MIPOL1: variants seen among roughly 807,000 people sequenced by gnomAD.
MIPOL1 encodes the protein mirror-image polydactyly 1, also known as mirror-image polydactyly gene 1 protein.
In MIPOL1, 57 loss-of-function variants were observed where a neutral mutation model predicts 60.9. The ratio of observed to expected loss-of-function variants is 0.94; its 90% CI spans 0.76 to 1.17. The LOEUF (loss-of-function observed/expected upper bound fraction) is 1.17. MIPOL1 is among the 50% of genes most tolerant of loss of function. The pLI, the probability that MIPOL1 is intolerant of heterozygous loss-of-function variation, is 0.00. For synonymous variants in MIPOL1, 179 were observed against 168.8 expected, an observed-to-expected ratio of 1.06 and a Z score of -0.47; for missense variants, 551 against 511.6, an observed-to-expected ratio of 1.08 and a Z score of -0.74.
At chr14:37,280,807 T>G (rs1011429809) in intron 6 of MIPOL1, among the ~76,000 whole-genome samples, 1 of 152,066 alleles carries the variant, frequency 6.6e-6, no homozygotes, top group African/African-American at 2.4e-5. Flanking sequence ...TACAGACGCA[T>G]GCCACCAGGA....
intron 10 of MIPOL1, among the ~76,000 whole-genome samples, chr14:37,398,210 C>T (rs1417665318): frequency 6.6e-6 from 1 of 152,080 alleles, no homozygotes; most frequent in Non-Finnish European, 1.5e-5. Flanking sequence ...CAGGTAATTT[C>T]GGAAACTTCT....
At chr14:37,412,399 A>G (rs760491050) in intron 10 of MIPOL1, among the ~76,000 whole-genome samples, 37 of 152,216 alleles carry the variant, frequency 2.4e-4, no homozygotes, top group Non-Finnish European at 8.8e-5. Flanking sequence ...CACTAAGGCA[A>G]AAACAACCCA....
intron 9 of MIPOL1, among the ~76,000 whole-genome samples, chr14:37,342,293 G>A (rs186619626): frequency 3.9e-4 from 59 of 152,036 alleles, no homozygotes; most frequent in South Asian, 1.9e-3. Flanking sequence ...GGAGGGAGGC[G>A]GAGGTTGCAG....
chr14:37,250,362 A>G (rs529226861), intron 3 of MIPOL1, among the ~76,000 whole-genome samples: 2 of 152,232 alleles, frequency 1.3e-5, no homozygotes, highest in East Asian at 1.9e-4. Flanking sequence ...AGCCTGACCA[A>G]CATGGTGAAA....
chr14:37,413,844 T>C (rs1376643879), intron 10 of MIPOL1, among the ~76,000 whole-genome samples: 1 of 152,180 alleles, frequency 6.6e-6, no homozygotes, highest in Non-Finnish European at 1.5e-5. Context: ...CCCATAAACG[T>C]AGTGCCTCAA....
chr14:37,444,369 A>G (rs1226994695), intron 11 of MIPOL1, among the ~76,000 whole-genome samples: 1 of 152,180 alleles, frequency 6.6e-6, no homozygotes, highest in Admixed American at 6.6e-5. Flanking sequence ...GCTGAAAACA[A>G]TTATGGAAGA....
intron 11 of MIPOL1, among the ~76,000 whole-genome samples, chr14:37,481,981 T>G (rs945215969): frequency 3.3e-5 from 5 of 152,014 alleles, no homozygotes; most frequent in African/African-American, 1.2e-4. Flanking sequence ...ACTATAAAAC[T>G]ACTAGAAGAA....
chr14:37,222,672 A>G (rs549279949), intron 1 of MIPOL1, among the ~76,000 whole-genome samples: 1 of 152,276 alleles, frequency 6.6e-6, no homozygotes, highest in South Asian at 2.1e-4. Context: ...TTTACTGTCC[A>G]TATTTCTACC....
chr14:37,468,069 A>G (rs1003509902), intron 11 of MIPOL1, among the ~76,000 whole-genome samples: 25 of 151,698 alleles, frequency 1.6e-4, no homozygotes, highest in East Asian at 7.8e-4. Context: ...AAAAAAAAAA[A>G]AGAGAGATCA....
chr14:37,242,614 G>C (rs986157008), intron 1 of MIPOL1, among the ~76,000 whole-genome samples: 4 of 152,070 alleles, frequency 2.6e-5, no homozygotes, highest in Admixed American at 2.6e-4. Context: ...ATTTATGTTA[G>C]TTCTAGTTTC....
At chr14:37,219,801 C>G (rs569430001) in intron 1 of MIPOL1, 1 of 151,736 alleles carries the variant, frequency 6.6e-6, no homozygotes, top group South Asian at 2.1e-4. Flanking sequence ...TCTCTTTTCA[C>G]CAGTTTTTAC....
chr14:37,429,499 A>C (rs187332352), intron 11 of MIPOL1, among the ~76,000 whole-genome samples: 6 of 152,252 alleles, frequency 3.9e-5, no homozygotes, highest in Non-Finnish European at 8.8e-5. Context: ...AGAATTCTTC[A>C]CTTTTTAAGG....
At chr14:37,356,984 G>A (rs1248450689) in intron 9 of MIPOL1, among the ~76,000 whole-genome samples, 1 of 152,150 alleles carries the variant, frequency 6.6e-6, no homozygotes, top group Non-Finnish European at 1.5e-5. Flanking sequence ...GTATACATGT[G>A]CCACATTTTC....
chr14:37,246,899 T>C lies in MIPOL1; in HGVS notation c.-198-204T>C, dbSNP rs143449041. On this transcript the variant is annotated intron_variant, in intron 1 of 12. Coordinates refer to ENST00000684589, the MANE Select transcript of MIPOL1 (RefSeq NM_001388067.1). Reference sequence around the variant, plus strand: ...GATAAAATTATGGTTTTAAATAGTATATTACTAAGCACATTAAGGCCTGTA... The same window carrying C: ...GATAAAATTATGGTTTTAAATAGTACATTACTAAGCACATTAAGGCCTGTA... Among the ~76,000 whole-genome samples, 394 of 152,166 alleles carry C rather than the reference T, an allele frequency of 2.6e-3. 2 individuals carry two copies. The highest frequency in any genetic ancestry group is 9.3e-3 in the African/African-American group (385 of 41,546).
At chr14:37,268,883 A>G (rs1006809761) in intron 5 of MIPOL1, 90 bp downstream of exon 5, 67 of 1,082,768 alleles carry the variant, frequency 6.2e-5, no homozygotes, top group Non-Finnish European at 1.8e-5. Flanking sequence ...ATTCAGTTTT[A>G]TTTTGCACTT....
chr14:37,511,349 C>A (rs2095326375), intron 12 of MIPOL1, among the ~76,000 whole-genome samples: 1 of 152,056 alleles, frequency 6.6e-6, no homozygotes, highest in Admixed American at 6.6e-5. Flanking sequence ...ATGAATAGCC[C>A]ATTGTGATTT....
chr14:37,253,275 A>G (rs1567160994), intron 3 of MIPOL1, among the ~76,000 whole-genome samples: 1 of 151,812 alleles, frequency 6.6e-6, no homozygotes, highest in Non-Finnish European at 1.5e-5. Context: ...TAAATCTTTC[A>G]CTTACTACCT....
At chr14:37,244,986 T>C (rs1972962306) in intron 1 of MIPOL1, among the ~76,000 whole-genome samples, 1 of 152,162 alleles carries the variant, frequency 6.6e-6, no homozygotes, top group Admixed American at 6.6e-5. Context: ...ATCTGTTTTT[T>C]AAGATTTTTC....
chr14:37,450,508 G>A (rs1392858281), intron 11 of MIPOL1, among the ~76,000 whole-genome samples: 3 of 152,044 alleles, frequency 2.0e-5, no homozygotes, highest in Non-Finnish European at 2.9e-5. Context: ...TCTCATGGAA[G>A]ATAATTTTTT....
Sources: allele counts gnomAD v4.1 joint callset (sites outside exome capture counted in the v4.1 genomes callset), GRCh38; gene constraint gnomAD v4.1.1; transcripts MANE v1.5; gene names NCBI Gene and HGNC (gene_info 2026-07-23, HGNC 2026-07-21).